The following P2RY6 variants were observed in gnomAD, a reference collection of about 807,000 sequenced individuals.
P2RY6 encodes the protein pyrimidinergic receptor P2Y6, also known as P2Y purinoceptor 6.
In P2RY6, 19 loss-of-function variants were observed where a neutral mutation model predicts 16.3. The observed-to-expected ratio is 1.16, with a 90% CI of 0.81 to 1.71. P2RY6 has a LOEUF of 1.71. Ranked by LOEUF, P2RY6 falls within the 40% of genes most tolerant of loss-of-function variation. The pLI is 0.00. For missense variants in P2RY6, 389 were observed against 455.5 expected (o/e 0.85, Z 1.33); for synonymous variants, 184 against 201.5 (o/e 0.91, Z 0.74).
chr11:73,267,315 A>G (rs750481521), intron 1 of P2RY6, among the ~76,000 whole-genome samples: 1 of 152,146 alleles, frequency 6.6e-6, no homozygotes. Flanking sequence ...TAAAATGGCC[A>G]TATGCTCTCT....
intron 1 of P2RY6, 71 bp from the exon 2 acceptor site, chr11:73,295,659 C>A: frequency 1.9e-6 from 1 of 532,528 alleles, no homozygotes; most frequent in Non-Finnish European, 2.4e-6. Context: ...CTCTGCCAAA[C>A]CTGCCTTTGT....
At chr11:73,284,813 T>C (rs1240901549) in intron 1 of P2RY6, among the ~76,000 whole-genome samples, 1 of 151,872 alleles carries the variant, frequency 6.6e-6, no homozygotes, top group Non-Finnish European at 1.5e-5. Context: ...CCTAAGTACA[T>C]GCAGCAGTGA....
chr11:73,290,351 GAAA>G (rs1565170759), intron 1 of P2RY6, among the ~76,000 whole-genome samples: 26 of 126,278 alleles, frequency 2.1e-4, no homozygotes, highest in African/African-American at 8.0e-4. Flanking sequence ...AAGAAAGAAA[GAAA>G]GAAAGAAAGA....
chr11:73,296,233 A>AAATAT lies in P2RY6; in HGVS notation c.-34-251_-34-250insATATA, dbSNP rs57187973. ...CTAGGAAGGCTGAAGGAAAAAAAAA[A>AAATAT]ATATATATATATATATATATATATA... On this transcript the variant is annotated intron_variant, in intron 2 of 2. Coordinates refer to ENST00000540124, the MANE Select transcript of P2RY6 (RefSeq NM_001277204.2). 4.8e-3 allele frequency among the ~76,000 whole-genome samples: 598 copies of AAATAT among 124,420 alleles called. 5 individuals carry two copies. Among genetic ancestry groups the AAATAT allele is most frequent in the African/African-American group, 0.014 (398 of 28,374 alleles). The allele number at this position is 124,420 out of a possible 152,430, so 81.6% of individuals were successfully genotyped here. A position where few individuals can be genotyped will look rare whatever the true frequency, so the allele number is the denominator to read the frequency against.
chr11:73,291,674 CG>C, intron 1 of P2RY6, among the ~76,000 whole-genome samples: 1 of 152,310 alleles, frequency 6.6e-6, no homozygotes. Context: ...GGGGTGAGAT[CG>C]ATGCCTTTAA....
chr11:73,277,638 C>T (rs1352713524), intron 1 of P2RY6, among the ~76,000 whole-genome samples: 1 of 152,236 alleles, frequency 6.6e-6, no homozygotes, highest in Non-Finnish European at 1.5e-5. Flanking sequence ...CAGGTAATAC[C>T]TTCACATGCA....
At position 73,297,555 on chromosome 11, in the gene P2RY6, C is replaced by G; in HGVS notation, c.*50C>G. 1 of 1,439,666 alleles carries G rather than the reference C, an allele frequency of 6.9e-7. No homozygotes were observed. Among genetic ancestry groups the G allele is most frequent in the South Asian group, 1.2e-5 (1 of 80,606 alleles). The allele number at this position is 1,439,666 out of a possible 1,614,324, so 89.2% of individuals were successfully genotyped here. On this transcript the variant is annotated 3_prime_UTR_variant, in exon 3 of 3. Transcript: ENST00000540124. ...CATATTTGCCATTGTGTCCGGGGCA[C>G]CAGGAGCCCCACCAACCCCAAACCA...
At position 73,285,293 on chromosome 11, in the gene P2RY6, C is replaced by T. The variant is rs117395574; in HGVS notation, c.-120-10437C>T. ...TTCTCTATGTTGCCCAGCCTGGTCT[C>T]GAACTTCTGGGCTCAAGTGATCCTC... is the stretch of plus-strand genomic sequence containing the variant. On this transcript the variant is annotated intron_variant, in intron 1 of 2. Coordinates refer to ENST00000540124, the MANE Select transcript of P2RY6 (RefSeq NM_001277204.2). Among the ~76,000 whole-genome samples the T allele has an allele frequency of 2.4e-3, 361 of 152,326 alleles. 16 individuals carry two copies. In the East Asian group the frequency reaches 0.056, roughly 24 times the overall value.
intron 1 of P2RY6, among the ~76,000 whole-genome samples, chr11:73,273,020 G>A (rs184710313): frequency 2.6e-4 from 39 of 151,998 alleles, no homozygotes; most frequent in Admixed American, 2.6e-3. Context: ...GAGGCCCTTG[G>A]GAAGCCTCTC....
At chr11:73,296,233 A>AAAAT (rs57187973) in intron 2 of P2RY6, among the ~76,000 whole-genome samples, 85 of 124,484 alleles carry the variant, frequency 6.8e-4, no homozygotes, top group East Asian at 2.5e-3. Context: ...GAAAAAAAAA[A>AAAAT]ATATATATAT....
chr11:73,279,134 G>C (rs1324576428), intron 1 of P2RY6, among the ~76,000 whole-genome samples: 1 of 150,480 alleles, frequency 6.6e-6, no homozygotes, highest in Non-Finnish European at 1.5e-5. Flanking sequence ...TAGTAATGTT[G>C]AGCATCTTTT....
chr11:73,283,813 G>A (rs1051971015), intron 1 of P2RY6, among the ~76,000 whole-genome samples: 2 of 152,192 alleles, frequency 1.3e-5, no homozygotes, highest in East Asian at 1.9e-4. Context: ...AACAGACGGA[G>A]AGGCACGAGG....
Position 73,297,380 on chromosome 11 carries a change from C to T in P2RY6, c.862C>T (p.Pro288Ser). ...TGCAGCGGCCTACAAAGGCACGCGG[C>T]CGTTTGCCAGTGCCAACAGCGTGCT... The part of the protein sequence containing the change: ...AFAAAYKGTR[P>S]FASANSVLDP... Residue 288 changes from proline (P) to serine (S), a missense_variant, in exon 3 of 3, where the codon CCG becomes TCG. Transcript: ENST00000540124. 3 of 1,612,228 alleles carry T rather than the reference C, an allele frequency of 1.9e-6. No homozygotes were observed. The highest frequency in any genetic ancestry group is 1.1e-5 in the South Asian group (1 of 91,090).
At chr11:73,283,514 G>A (rs1863846116) in intron 1 of P2RY6, among the ~76,000 whole-genome samples, 1 of 152,176 alleles carries the variant, frequency 6.6e-6, no homozygotes, top group Non-Finnish European at 1.5e-5. Flanking sequence ...TGGTGCTCAG[G>A]GACGTCAAGC....
chr11:73,281,773 G>T (rs1446434455), intron 1 of P2RY6, among the ~76,000 whole-genome samples: 1 of 152,290 alleles, frequency 6.6e-6, no homozygotes, highest in Non-Finnish European at 1.5e-5. Flanking sequence ...CTCCTCTCTT[G>T]GCCTCAGTTA....
chr11:73,267,143 C>T (rs1262733817), intron 1 of P2RY6, among the ~76,000 whole-genome samples: 1 of 152,256 alleles, frequency 6.6e-6, no homozygotes, highest in East Asian at 1.9e-4. Context: ...TTCCCCAATT[C>T]TGGCTCCAAT....
chr11:73,274,901 G>A (rs539270154), intron 1 of P2RY6, among the ~76,000 whole-genome samples: 2 of 152,362 alleles, frequency 1.3e-5, no homozygotes, highest in East Asian at 3.9e-4. Context: ...ATTTCAGGCT[G>A]GGGTGGGGAT....
chr11:73,275,208 C>T (rs1009683116), intron 1 of P2RY6, among the ~76,000 whole-genome samples: 11 of 152,210 alleles, frequency 7.2e-5, no homozygotes, highest in Admixed American at 2.0e-4. Context: ...TCCAGGAAGA[C>T]GAACTCTGCA....
rs58151541 is a variant in P2RY6, at chr11:73,295,234, G to A, written c.-120-496G>A. Among the ~76,000 whole-genome samples, 748 of 152,280 alleles carry A rather than the reference G, an allele frequency of 4.9e-3. 8 individuals are homozygous for A. The highest frequency in any genetic ancestry group is 0.017 in the African/African-American group (721 of 41,538). ...TGCTGGCTCTCCCAAAACCCAGCCC[G>A]AAAGAATGAGAGGAGGGACAAGATG... On this transcript the variant is annotated intron_variant, in intron 1 of 2. Coordinates refer to ENST00000540124, the MANE Select transcript of P2RY6 (RefSeq NM_001277204.2).
Sources: allele counts gnomAD v4.1 joint callset (sites outside exome capture counted in the v4.1 genomes callset), GRCh38; gene constraint gnomAD v4.1.1; transcripts MANE v1.5; gene names NCBI Gene and HGNC (gene_info 2026-07-23, HGNC 2026-07-21).